Variants in GFPT2 observed in about 807,000 individuals in gnomAD.
The protein encoded by GFPT2 is glutamine--fructose-6-phosphate aminotransferase [isomerizing] 2.
In GFPT2, 62 loss-of-function variants were observed where a neutral mutation model predicts 85.6. The observed-to-expected ratio is 0.72, with a 90% CI of 0.59 to 0.90. The LOEUF (loss-of-function observed/expected upper bound fraction) is 0.90. GFPT2 is among the 40% of genes least tolerant of loss of function. The pLI is 0.00. For missense variants in GFPT2, 788 were observed against 893.4 expected, an observed-to-expected ratio of 0.88 and a Z score of 1.50; for synonymous variants, 368 against 344.5, an observed-to-expected ratio of 1.07 and a Z score of -0.75.
chr5:180,349,515 C>A (rs1764670129), intron 1 of GFPT2, among the ~76,000 whole-genome samples: 1 of 151,994 alleles, frequency 6.6e-6, no homozygotes, highest in Non-Finnish European at 1.5e-5. Context: ...ACTTGGGAAT[C>A]CCCTGAGGAG....
At chr5:180,319,686 G>C (rs1244940412) in intron 9 of GFPT2, among the ~76,000 whole-genome samples, 4 of 152,168 alleles carry the variant, frequency 2.6e-5, no homozygotes, top group African/African-American at 7.2e-5. Context: ...AGCACAAAAA[G>C]AGAGATGGTG....
At chr5:180,337,509 GAGA>G (rs1764425217) in intron 2 of GFPT2, among the ~76,000 whole-genome samples, 1 of 150,156 alleles carries the variant, frequency 6.7e-6, no homozygotes, top group East Asian at 1.9e-4. Context: ...CAAGTGAAAA[GAGA>G]AGAATATAAA....
Position 180,318,870 on chromosome 5 carries a change from C to T in GFPT2, c.881G>A (p.Arg294Gln), listed in dbSNP as rs375382535. 18 of 1,613,878 alleles carry T rather than the reference C, an allele frequency of 1.1e-5. No homozygotes were observed. Among genetic ancestry groups the T allele is most frequent in the East Asian group, 4.5e-5 (2 of 44,898 alleles). ...GTCATCACTGGCCGAGCGCTTGACC[C>T]GGTGAATGGAGAGTTTCCCATCAGC... ...AVADGKLSIH[R>Q]VKRSASDDPS... The change falls in exon 10 of 19, where the codon CGG becomes CAG. Residue 294 changes from arginine to glutamine, a missense_variant. Transcript: ENST00000253778. The surrounding 1 kb of genome is among the most constrained non-coding windows in gnomAD (Gnocchi z 4.2).
intron 9 of GFPT2, among the ~76,000 whole-genome samples, chr5:180,321,982 T>C (rs1764131524): frequency 6.7e-6 from 1 of 150,370 alleles, no homozygotes; most frequent in Admixed American, 6.6e-5. Flanking sequence ...AGAAACCGGG[T>C]TTCACCGTGT....
intron 4 of GFPT2, among the ~76,000 whole-genome samples, chr5:180,335,252 C>G (rs1274993017): frequency 2.6e-5 from 4 of 152,230 alleles, no homozygotes; most frequent in Non-Finnish European, 5.9e-5. Context: ...TGAGGGCTCT[C>G]CACCTGGGAA....
chr5:180,334,295 A>G (rs1215316334), intron 4 of GFPT2, among the ~76,000 whole-genome samples: 1 of 151,918 alleles, frequency 6.6e-6, no homozygotes. Flanking sequence ...TTTCTGGGGG[A>G]CGCCTTCCCT....
In GFPT2 at chr5:180,324,231, C is replaced by G; in HGVS notation, c.751G>C (p.Val251Leu). 6.2e-7 allele frequency: 1 copy of G among 1,612,782 alleles called. No homozygotes were observed. The highest frequency in any genetic ancestry group is 8.5e-7 in the Non-Finnish European group (1 of 1,178,914). Reference sequence around the variant, plus strand: ...AAGAATTCCACGGCCTTGTCGCCCACAGCATGCAGGCAGGCGGAGCTGTCC... The same window carrying G: ...AAGAATTCCACGGCCTTGTCGCCCAGAGCATGCAGGCAGGCGGAGCTGTCC... ...RLDSSACLHA[V>L]GDKAVEFFFA... is the part of the protein sequence containing the mutation. The change falls in exon 9 of 19, where the codon GTG becomes CTG. Residue 251 changes from valine to leucine, a missense_variant. By Grantham distance (32) the Val-to-Leu change is conservative (BLOSUM62 1). Transcript: ENST00000253778.
chr5:180,350,274 C>T (rs980508271), intron 1 of GFPT2, among the ~76,000 whole-genome samples: 1 of 152,224 alleles, frequency 6.6e-6, no homozygotes, highest in African/African-American at 2.4e-5. Flanking sequence ...TGCTCATCTT[C>T]AGATTTTGTC....
At chr5:180,307,016 T>C (rs1208512570) in intron 16 of GFPT2, among the ~76,000 whole-genome samples, 160 bp downstream of exon 16, 17 of 152,166 alleles carry the variant, frequency 1.1e-4, no homozygotes, top group Non-Finnish European at 1.5e-5. Context: ...GCTAGAAACC[T>C]GGTGGAGAGC....
intron 1 of GFPT2, among the ~76,000 whole-genome samples, chr5:180,351,272 C>T (rs1415348467): frequency 6.6e-6 from 1 of 152,232 alleles, no homozygotes; most frequent in Non-Finnish European, 1.5e-5. Context: ...GGCTTCCCCT[C>T]TGCACAGGAT....
In GFPT2 at chr5:180,338,020, T is replaced by TGCTGAGGAG. The variant is rs1469837268; in HGVS notation, c.115+464_115+472dup. 1.1e-3 allele frequency among the ~76,000 whole-genome samples: 173 copies of TGCTGAGGAG among 152,262 alleles called. 1 individual carries two copies. The highest frequency in any genetic ancestry group is 3.9e-3 in the African/African-American group (164 of 41,562). ...GGTGGTGCACGCCTGTAGTCCCAGA[T>TGCTGAGGAG]GCTGAGGAGGCTGAGGGTCGCCTGA... is the stretch of plus-strand genomic sequence containing the variant. On this transcript the variant is annotated intron_variant, in intron 2 of 18. Coordinates refer to ENST00000253778, the MANE Select transcript of GFPT2 (RefSeq NM_005110.4).
chr5:180,319,014 A>G, intron 9 of GFPT2, 58 bp from the exon 10 acceptor site: 11 of 1,550,268 alleles, frequency 7.1e-6, no homozygotes, highest in Non-Finnish European at 8.8e-6. Flanking sequence ...ACGAGGCAGC[A>G]GCCCCTTGCT....
intron 4 of GFPT2, among the ~76,000 whole-genome samples, chr5:180,332,883 T>C (rs185610707): frequency 5.6e-4 from 85 of 152,278 alleles, no homozygotes; most frequent in Non-Finnish European, 1.0e-3. Flanking sequence ...CAACTCAAGT[T>C]TTCCTTCAGT....
chr5:180,325,265 C>A (rs140468138), intron 7 of GFPT2, among the ~76,000 whole-genome samples: 1 of 152,276 alleles, frequency 6.6e-6, no homozygotes, highest in Non-Finnish European at 1.5e-5. Context: ...CTCTAGGTCT[C>A]CACCCAGCCT....
chr5:180,318,170 G>A lies in GFPT2; in HGVS notation c.958+623C>T, dbSNP rs931183337. ...GAGAAGAACAGCGAATGCAGGGGCT[G>A]TGGCGGGGCACAGTGGGACAGAGGG... On this transcript the variant is annotated intron_variant, in intron 10 of 18. Transcript: ENST00000253778. This position sits in a 1 kb window ranked among gnomAD's most constrained non-coding sequence, Gnocchi z 4.2. Among the ~76,000 whole-genome samples, 1 of 152,172 alleles carries A rather than the reference G, an allele frequency of 6.6e-6. No homozygotes were observed. The highest frequency in any genetic ancestry group is 1.5e-5 in the Non-Finnish European group (1 of 68,030).
intron 12 of GFPT2, 84 bp from the exon 13 acceptor site, chr5:180,316,545 T>C (rs1017736225): frequency 2.0e-6 from 3 of 1,475,108 alleles, no homozygotes; most frequent in Non-Finnish European, 2.8e-6. Flanking sequence ...TAGGGACAGT[T>C]TGTGACACGG....
chr5:180,349,870 C>G (rs1020402337), intron 1 of GFPT2, among the ~76,000 whole-genome samples: 1 of 149,454 alleles, frequency 6.7e-6, no homozygotes, highest in South Asian at 2.1e-4. Flanking sequence ...CAGCTCTTCA[C>G]AGTGATTGTT....
intron 13 of GFPT2, among the ~76,000 whole-genome samples, chr5:180,315,169 G>A (rs1376083291): frequency 4.6e-5 from 7 of 151,410 alleles, no homozygotes; most frequent in South Asian, 2.1e-4. Context: ...GTGGTCATAC[G>A]TTTTTCTTTT....
chr5:180,303,262 GCCA>G (rs1763715720), intron 17 of GFPT2, among the ~76,000 whole-genome samples: 1 of 151,608 alleles, frequency 6.6e-6, no homozygotes, highest in South Asian at 2.1e-4. Context: ...CCAAAGAAAT[GCCA>G]CCAAGGCTAG....
Sources: gnomAD v4.1 joint callset for allele counts (sites outside exome capture counted in the v4.1 genomes callset) on GRCh38, gnomAD v4.1.1 for gene constraint, Gnocchi (gnomAD v3.1) non-coding constraint, MANE v1.5 for transcripts, NCBI Gene and HGNC (gene_info 2026-07-23, HGNC 2026-07-21) for gene names.